ADCY1: variants seen among roughly 807,000 people sequenced by gnomAD.
ADCY1 encodes the protein adenylate cyclase type 1.
Under a neutral mutation model 105.4 loss-of-function variants are expected in ADCY1, and 28 were observed. The observed-to-expected ratio is 0.27, with a 90% CI of 0.20 to 0.36. ADCY1 has a LOEUF of 0.36. Among genes scored for constraint, ADCY1 ranks in the 10% least tolerant of loss-of-function variants. The pLI is 1.00. For missense variants in ADCY1, 977 were observed against 1,434.2 expected, an observed-to-expected ratio of 0.68 and a Z score of 5.15; for synonymous variants, 655 against 623.8, an observed-to-expected ratio of 1.05 and a Z score of -0.75.
In ADCY1 at chr7:45,574,725, C is replaced by T; in HGVS notation, c.182C>T (p.Thr61Met). 2 of 1,413,894 alleles carry T rather than the reference C, an allele frequency of 1.4e-6. No individual in the cohort carries two copies. The highest frequency in any genetic ancestry group is 1.8e-6 in the Non-Finnish European group (2 of 1,091,630). The allele number at this position is 1,413,894 out of a possible 1,614,324, so 87.6% of individuals were successfully genotyped here. A position where few individuals can be genotyped will look rare whatever the true frequency, so the allele number is the denominator to read the frequency against. Reference sequence around the variant, plus strand: ...ACGCTGCGGCTGGAGCAGGCGGCCACGCTGAAGGCGCTGGCCGTTCTCAGC... The same window carrying T: ...ACGCTGCGGCTGGAGCAGGCGGCCATGCTGAAGGCGCTGGCCGTTCTCAGC... ...GYTLRLEQAA[T>M]LKALAVLSLL... Residue 61 changes from threonine to methionine, a missense_variant, in exon 1 of 20, where the codon ACG (threonine) becomes ATG (methionine). Physicochemically the swap from Thr to Met is moderately conservative, Grantham distance 81. Around this residue, in one of 7 missense-constraint regions of ADCY1, gnomAD observed 209 missense variants for 222.5 expected, o/e 0.94. Transcript: ENST00000297323. This position sits in a 1 kb window ranked among gnomAD's most constrained non-coding sequence, Gnocchi z 7.0.
chr7:45,677,723 A>G, intron 8 of ADCY1, 146 bp from the exon 9 acceptor site: 1 of 845,296 alleles, frequency 1.2e-6, no homozygotes, highest in Non-Finnish European at 1.8e-6. Context: ...TCTCACCACC[A>G]GCAGGGCAGA....
At chr7:45,631,057 G>C (rs1794235051) in intron 4 of ADCY1, among the ~76,000 whole-genome samples, 1 of 152,132 alleles carries the variant, frequency 6.6e-6, no homozygotes, top group Admixed American at 6.5e-5. Context: ...AAGGTCTAAA[G>C]CATCTAGCAC....
At chr7:45,584,951 T>A (rs1584247916) in intron 1 of ADCY1, among the ~76,000 whole-genome samples, 1 of 152,210 alleles carries the variant, frequency 6.6e-6, no homozygotes, top group East Asian at 1.9e-4. Context: ...CAGGGCAGCC[T>A]GTTCTGGAAC....
Position 45,718,419 on chromosome 7 carries a change from T to G in ADCY1, c.*4424T>G, listed in dbSNP as rs1402716983. 6.6e-6 allele frequency: 1 copy of G among 152,174 alleles called. No individual in the cohort carries two copies. Among genetic ancestry groups the G allele is most frequent in the East Asian group, 1.9e-4 (1 of 5,178 alleles). 9.4% of individuals were successfully genotyped at this position (152,174 alleles called of 1,614,324 possible). On this transcript the variant is annotated 3_prime_UTR_variant, in exon 20 of 20. Coordinates refer to ENST00000297323, the MANE Select transcript of ADCY1 (RefSeq NM_021116.4). ...AGAAGAGCCCTCTGAACAGGACACC[T>G]GTTCAGGCCTGGGGGCCCCATGCTA...
intron 4 of ADCY1, among the ~76,000 whole-genome samples, chr7:45,644,404 C>A (rs1417127479): frequency 3.3e-5 from 5 of 152,214 alleles, no homozygotes; most frequent in African/African-American, 9.6e-5. Context: ...TTGTTCTAGA[C>A]CCTTCTCTGT....
At chr7:45,711,709 A>T (rs945748359) in intron 19 of ADCY1, among the ~76,000 whole-genome samples, 4 of 143,500 alleles carry the variant, frequency 2.8e-5, no homozygotes, top group African/African-American at 7.7e-5. Context: ...ATATATACAT[A>T]TATGTGTGTA....
intron 17 of ADCY1, among the ~76,000 whole-genome samples, chr7:45,706,189 A>G (rs1475140850): frequency 6.6e-6 from 1 of 152,220 alleles, no homozygotes; most frequent in Admixed American, 6.5e-5. Flanking sequence ...TGTCGTTGAC[A>G]AAATGATCCT....
intron 14 of ADCY1, among the ~76,000 whole-genome samples, chr7:45,693,132 A>G (rs1219579957): frequency 6.6e-6 from 1 of 152,242 alleles, no homozygotes; most frequent in Non-Finnish European, 1.5e-5. Flanking sequence ...ACAGAAAATC[A>G]GTGACAGATT....
chr7:45,627,418 T>C (rs1404088643), intron 4 of ADCY1, among the ~76,000 whole-genome samples: 1 of 152,214 alleles, frequency 6.6e-6, no homozygotes, highest in Non-Finnish European at 1.5e-5. Context: ...TGTGTGTGGC[T>C]GTTTTCCAGG....
intron 2 of ADCY1, among the ~76,000 whole-genome samples, chr7:45,608,278 A>G (rs146898490): frequency 0.019 from 2,940 of 152,328 alleles, 83 homozygotes; most frequent in South Asian, 0.13. Context: ...TCCTTTGCCC[A>G]GTTTTTAATG....
intron 5 of ADCY1, among the ~76,000 whole-genome samples, chr7:45,655,732 A>G (rs2461130): frequency 0.52 from 79,470 of 152,046 alleles, 24,189 homozygotes; most frequent in Admixed American, 0.67. Context: ...CTAGGAGCCT[A>G]AAGGTTTGCT....
intron 5 of ADCY1, among the ~76,000 whole-genome samples, chr7:45,652,031 G>A (rs1794824582): frequency 6.6e-6 from 1 of 152,196 alleles, no homozygotes; most frequent in African/African-American, 2.4e-5. Context: ...GGCATGGCTG[G>A]GAGGCCTCAG....
Position 45,718,692 on chromosome 7 carries a change from C to T in ADCY1, c.*4697C>T, listed in dbSNP as rs998488156. 1 of 152,256 alleles carries T rather than the reference C, an allele frequency of 6.6e-6. No individual in the cohort carries two copies. The highest frequency in any genetic ancestry group is 2.4e-5 in the African/African-American group (1 of 41,432). 9.4% of individuals were successfully genotyped at this position (152,256 alleles called of 1,614,324 possible). ...TCTCAGTCCCGGCCCTCACTGCACC[C>T]ACCAAGTCAAGCAGAGCTGGGTGGG... On this transcript the variant is annotated 3_prime_UTR_variant, in exon 20 of 20. Transcript: ENST00000297323.
At position 45,720,947 on chromosome 7, in the gene ADCY1, A is replaced by T. The variant is rs1785461353; in HGVS notation, c.*6952A>T. On this transcript the variant is annotated 3_prime_UTR_variant, in exon 20 of 20. Coordinates refer to ENST00000297323, the MANE Select transcript of ADCY1 (RefSeq NM_021116.4). ...GCCCAGAGAGGTTGGGGACTTGAGTAAAGTCACACAGCCCTGAGAGGCAGG... is the reference window on the plus strand; with the variant it reads ...GCCCAGAGAGGTTGGGGACTTGAGTTAAGTCACACAGCCCTGAGAGGCAGG... 6.6e-6 allele frequency: 1 copy of T among 152,284 alleles called. No homozygotes were observed. The highest frequency in any genetic ancestry group is 1.9e-4 in the East Asian group (1 of 5,194). The allele number at this position is 152,284 out of a possible 1,614,324, so 9.4% of individuals were successfully genotyped here.
At chr7:45,579,287 A>G (rs1391804479) in intron 1 of ADCY1, among the ~76,000 whole-genome samples, 2 of 151,066 alleles carry the variant, frequency 1.3e-5, no homozygotes, top group Non-Finnish European at 3.0e-5. Flanking sequence ...CATGCTGTCA[A>G]CTCCCAGTTA....
At chr7:45,648,648 T>C (rs777635281) in intron 4 of ADCY1, 22 bp from the exon 5 acceptor site, 6 of 1,613,952 alleles carry the variant, frequency 3.7e-6, no homozygotes, top group Non-Finnish European at 4.2e-6. Flanking sequence ...TCTCTTACCA[T>C]GTGCCTTGCC....
chr7:45,635,650 G>T, intron 4 of ADCY1, among the ~76,000 whole-genome samples: 1 of 104,468 alleles, frequency 9.6e-6, no homozygotes, highest in Admixed American at 1.1e-4. Flanking sequence ...GGGTTATTTA[G>T]AGATGTGATT....
intron 3 of ADCY1, among the ~76,000 whole-genome samples, chr7:45,610,851 T>G (rs1793547987): frequency 5.8e-5 from 1 of 17,262 alleles, no homozygotes; most frequent in Non-Finnish European, 1.2e-4. Flanking sequence ...GAGGCGATAT[T>G]GGAGTTGTGG....
intron 19 of ADCY1, among the ~76,000 whole-genome samples, chr7:45,711,971 ATAT>A (rs199503995): frequency 0.067 from 4,059 of 60,256 alleles, 162 homozygotes; most frequent in South Asian, 0.18. Flanking sequence ...ATATAAATAC[ATAT>A]TATATTAAAT....
Sources: gnomAD v4.1 joint callset for allele counts (sites outside exome capture counted in the v4.1 genomes callset) on GRCh38, gnomAD v4.1.1 for gene constraint, gnomAD v4.1.1 regional missense constraint, Gnocchi (gnomAD v3.1) non-coding constraint, MANE v1.5 for transcripts, NCBI Gene and HGNC (gene_info 2026-07-23, HGNC 2026-07-21) for gene names.